The following UST variants were observed in gnomAD, a reference collection of about 807,000 sequenced individuals.
UST encodes uronyl 2-sulfotransferase.
Under a neutral mutation model 45.6 loss-of-function variants are expected in UST, and 21 were observed. The ratio of observed to expected loss-of-function variants is 0.46; its 90% CI spans 0.33 to 0.66. The LOEUF (loss-of-function observed/expected upper bound fraction) is 0.66. Among genes scored for constraint, UST ranks in the 30% least tolerant of loss-of-function variants. UST has a pLI of 0.02. For synonymous variants in UST, 215 were observed against 200.6 expected, an observed-to-expected ratio of 1.07 and a Z score of -0.61; for missense variants, 463 against 512.4, an observed-to-expected ratio of 0.90 and a Z score of 0.93.
chr6:149,058,345 ATGTGTGTGTG>A lies in UST; in HGVS notation c.938-15454_938-15445del, dbSNP rs56994081. 6.8e-3 allele frequency among the ~76,000 whole-genome samples: 810 copies of A among 119,800 alleles called. 4 individuals carry two copies. Among genetic ancestry groups the A allele is most frequent in the African/African-American group, 0.017 (593 of 33,934 alleles). The allele number at this position is 119,800 out of a possible 152,430, so 78.6% of individuals were successfully genotyped here. On this transcript the variant is annotated intron_variant, in intron 7 of 7. Transcript: ENST00000367463. ...GCCTCCTCCCTGCCAAAGGAGGAGC[ATGTGTGTGTG>A]TGTGTGTGTGTGTGTGTGTGTGTGT...
chr6:148,905,616 A>G (rs1779341923), intron 2 of UST, among the ~76,000 whole-genome samples: 1 of 152,226 alleles, frequency 6.6e-6, no homozygotes, highest in South Asian at 2.1e-4. Flanking sequence ...GACATGAGAG[A>G]AAAATGAGCA....
At chr6:148,920,565 GT>G (rs536126847) in intron 2 of UST, among the ~76,000 whole-genome samples, 69 of 152,284 alleles carry the variant, frequency 4.5e-4, no homozygotes, top group Non-Finnish European at 6.5e-4. Context: ...ATCTTGCTCT[GT>G]CACTCAGGCT....
chr6:148,939,964 G>A (rs1037881199), intron 2 of UST, among the ~76,000 whole-genome samples: 1 of 152,118 alleles, frequency 6.6e-6, no homozygotes, highest in Non-Finnish European at 1.5e-5. Flanking sequence ...TGTAGATTAT[G>A]TATTTGCAAA....
intron 7 of UST, among the ~76,000 whole-genome samples, chr6:149,068,450 C>G (rs547823475): frequency 2.0e-4 from 31 of 152,306 alleles, no homozygotes; most frequent in African/African-American, 7.2e-4. Context: ...GTGCTTGCTA[C>G]ACATTAGTTC....
intron 3 of UST, among the ~76,000 whole-genome samples, chr6:148,944,237 C>T (rs999483267): frequency 3.3e-5 from 5 of 152,050 alleles, no homozygotes; most frequent in African/African-American, 1.2e-4. Context: ...GAATCATTGT[C>T]CTCTAGAGTT....
intron 2 of UST, among the ~76,000 whole-genome samples, chr6:148,933,002 G>T (rs1175742935): frequency 6.6e-6 from 1 of 152,148 alleles, no homozygotes; most frequent in Non-Finnish European, 1.5e-5. Flanking sequence ...ACTTAGAGAA[G>T]TTGTTCAGGA....
At chr6:148,928,908 T>C (rs1353536369) in intron 2 of UST, among the ~76,000 whole-genome samples, 2 of 152,238 alleles carry the variant, frequency 1.3e-5, no homozygotes, top group Non-Finnish European at 2.9e-5. Context: ...GGAAGCAATG[T>C]CATTTTATGT....
intron 7 of UST, among the ~76,000 whole-genome samples, chr6:149,068,283 A>G (rs1324610244): frequency 6.6e-6 from 1 of 152,166 alleles, no homozygotes; most frequent in East Asian, 1.9e-4. Flanking sequence ...ACAGCAGCTG[A>G]TTGTCATGAG....
rs146153089 is a variant in UST, at chr6:148,912,351, C to T, written c.291+25322C>T. On this transcript the variant is annotated intron_variant, in intron 2 of 7. Transcript: ENST00000367463. ...TTCTTTTCATCTCAAGGCTGCTTATCAGAGGACATAAAACAGCATTAACTG... is the reference window on the plus strand; with the variant it reads ...TTCTTTTCATCTCAAGGCTGCTTATTAGAGGACATAAAACAGCATTAACTG... 3.0e-4 allele frequency among the ~76,000 whole-genome samples: 46 copies of T among 152,334 alleles called. No individual in the cohort carries two copies. In the East Asian group the frequency reaches 7.1e-3, roughly 24 times the overall value.
intron 1 of UST, among the ~76,000 whole-genome samples, chr6:148,877,534 A>T (rs1290760300): frequency 5.3e-5 from 3 of 56,476 alleles, no homozygotes; most frequent in Admixed American, 2.2e-4. Flanking sequence ...GGGGCAGGGG[A>T]TCGTGTTTGA....
chr6:148,783,619 A>G (rs910280122), intron 1 of UST, among the ~76,000 whole-genome samples: 3 of 152,328 alleles, frequency 2.0e-5, no homozygotes, highest in Non-Finnish European at 1.5e-5. Context: ...GCACATTTAT[A>G]TGTAAAATCA....
chr6:148,902,183 C>G (rs1365199604), intron 2 of UST, among the ~76,000 whole-genome samples: 10 of 152,084 alleles, frequency 6.6e-5, no homozygotes, highest in Admixed American at 6.6e-4. Context: ...ACTTGGTGGA[C>G]TTTGCAATCT....
intron 7 of UST, among the ~76,000 whole-genome samples, chr6:149,029,673 A>C (rs1394551733): frequency 1.3e-5 from 2 of 151,956 alleles, no homozygotes; most frequent in African/African-American, 4.8e-5. Context: ...CCAAGTATAC[A>C]ATGATGGTTA....
intron 1 of UST, among the ~76,000 whole-genome samples, chr6:148,842,507 G>A (rs1387854612): frequency 1.3e-5 from 2 of 152,204 alleles, no homozygotes; most frequent in Admixed American, 6.5e-5. Context: ...CTACAGTGTG[G>A]AGGCCGCCGG....
At chr6:148,953,729 G>A in intron 3 of UST, 143 bp from the exon 4 acceptor site, 1 of 374,658 alleles carries the variant, frequency 2.7e-6, no homozygotes, top group South Asian at 4.5e-5. Context: ...CCGAGATCGA[G>A]CTACTGCACT....
At chr6:148,972,418 C>A (rs756645611) in intron 5 of UST, among the ~76,000 whole-genome samples, 2 of 152,228 alleles carry the variant, frequency 1.3e-5, no homozygotes, top group African/African-American at 2.4e-5. Flanking sequence ...GCAAGAGGCT[C>A]ACTCTGGTGA....
intron 5 of UST, among the ~76,000 whole-genome samples, chr6:149,000,112 A>G (rs1244668845): frequency 6.6e-6 from 1 of 152,218 alleles, no homozygotes; most frequent in Non-Finnish European, 1.5e-5. Context: ...CAAGAGGGCC[A>G]GACCAGGCTC....
intron 2 of UST, among the ~76,000 whole-genome samples, chr6:148,927,864 A>G (rs895984979): frequency 6.6e-6 from 1 of 152,176 alleles, no homozygotes; most frequent in Non-Finnish European, 1.5e-5. Flanking sequence ...TCCAACTTGG[A>G]CCAAGGCTAA....
intron 4 of UST, among the ~76,000 whole-genome samples, chr6:148,959,577 C>G (rs1780604613): frequency 6.6e-6 from 1 of 152,214 alleles, no homozygotes; most frequent in Non-Finnish European, 1.5e-5. Context: ...GAGTGGATCT[C>G]TGCCGCTGCA....
Sources: gnomAD v4.1 joint callset for allele counts (sites outside exome capture counted in the v4.1 genomes callset) on GRCh38, gnomAD v4.1.1 for gene constraint, MANE v1.5 for transcripts, NCBI Gene and HGNC (gene_info 2026-07-23, HGNC 2026-07-21) for gene names.